The following LMAN1 variants were observed in gnomAD, a reference collection of about 807,000 sequenced individuals.
The protein encoded by LMAN1 is lectin, mannose binding 1, also known as protein ERGIC-53.
LMAN1 carries 32 observed loss-of-function variants against 67.8 expected under a neutral mutation model. The observed-to-expected ratio is 0.47, with a 90% CI of 0.36 to 0.63. LMAN1 has a LOEUF of 0.63. Ranked by LOEUF, LMAN1 falls within the 30% of genes least tolerant of loss-of-function variation. LMAN1 has a pLI of 0.00. For missense variants in LMAN1, 632 were observed against 628.2 expected (o/e 1.01, Z -0.06); for synonymous variants, 235 against 219.3 (o/e 1.07, Z -0.63).
In LMAN1 at chr18:59,333,200, T is replaced by G. The variant is rs1158500136; in HGVS notation, c.1265A>C (p.His422Pro). Residue 422 changes from histidine (H) to proline (P), a missense_variant, in exon 11 of 13, where the codon CAC (histidine) becomes CCC (proline). By Grantham distance (77) the His-to-Pro change is moderately conservative. Coordinates refer to ENST00000251047, the MANE Select transcript of LMAN1 (RefSeq NM_005570.4). ...ATAGACGCCTCCAGCAGAGCCAGGG[T>G]GCTGCATTCCACTGACCAGTCTGAC... ...ETVRLVSGMQ[H>P]PGSAGGVYET... 2 of 1,613,600 alleles carry G rather than the reference T, an allele frequency of 1.2e-6. No individual in the cohort carries two copies. Among genetic ancestry groups the G allele is most frequent in the Admixed American group, 3.3e-5 (2 of 59,960 alleles).
intron 8 of LMAN1, among the ~76,000 whole-genome samples, chr18:59,343,948 A>G (rs1473234941): frequency 6.6e-6 from 1 of 152,186 alleles, no homozygotes; most frequent in Non-Finnish European, 1.5e-5. Flanking sequence ...ACTCAAGAGA[A>G]AAACAAAAAG....
chr18:59,355,353 C>A lies in LMAN1; in HGVS notation c.437G>T (p.Gly146Val). 6.2e-7 allele frequency: 1 copy of A among 1,613,972 alleles called. No homozygotes were observed. Among genetic ancestry groups the A allele is most frequent in the Non-Finnish European group, 8.5e-7 (1 of 1,179,886 alleles). The change falls in exon 3 of 13, where the codon GGT (glycine) becomes GTT (valine). Residue 146 changes from glycine to valine, a missense_variant. By Grantham distance (109) the Gly-to-Val change is moderately radical. Transcript: ENST00000251047. ...AAAAGAATCAAAAAATATTCCAACA[C>A]CATTCCACAGATCAGCTGATCCAAA... Reference protein sequence around the residue: ...PVFGSADLWNGVGIFFDSFDN... With the variant: ...PVFGSADLWNVVGIFFDSFDN...
intron 1 of LMAN1, among the ~76,000 whole-genome samples, chr18:59,358,755 CA>C (rs2030614298): frequency 6.6e-6 from 1 of 152,054 alleles, no homozygotes; most frequent in Non-Finnish European, 1.5e-5. Context: ...CCTCTAGATC[CA>C]ACGGAAAGTA....
At chr18:59,345,508 T>TCCA (rs1333007662) in intron 8 of LMAN1, among the ~76,000 whole-genome samples, 1 of 152,208 alleles carries the variant, frequency 6.6e-6, no homozygotes, top group African/African-American at 2.4e-5. Context: ...TAATTATGTG[T>TCCA]CACTAAAACC....
At chr18:59,358,955 G>A (rs1339096446) in intron 1 of LMAN1, 76 bp downstream of exon 1, 4 of 1,445,774 alleles carry the variant, frequency 2.8e-6, no homozygotes, top group East Asian at 4.5e-5. Flanking sequence ...GCACACCAGG[G>A]TAGCCGCGGA....
intron 7 of LMAN1, 55 bp downstream of exon 7, chr18:59,347,458 T>C (rs1908442926): frequency 1.5e-6 from 2 of 1,301,498 alleles, no homozygotes; most frequent in African/African-American, 1.5e-5. Flanking sequence ...TCCAAAACGT[T>C]CAGCTAAAAG....
chr18:59,349,541 G>T (rs1908496118), intron 5 of LMAN1, among the ~76,000 whole-genome samples: 2 of 152,156 alleles, frequency 1.3e-5, no homozygotes, highest in African/African-American at 4.8e-5. Context: ...CCTTGGAATG[G>T]TTCATGCAGC....
chr18:59,334,779 T>C (rs1454664477), intron 10 of LMAN1, among the ~76,000 whole-genome samples: 1 of 152,138 alleles, frequency 6.6e-6, no homozygotes, highest in East Asian at 1.9e-4. Flanking sequence ...CTTAAGAATA[T>C]AAAAATCCAC....
intron 5 of LMAN1, among the ~76,000 whole-genome samples, chr18:59,352,109 A>G (rs1908555696): frequency 6.6e-6 from 1 of 152,230 alleles, no homozygotes; most frequent in Non-Finnish European, 1.5e-5. Flanking sequence ...TTTACAATGC[A>G]TAGTGATCTT....
intron 2 of LMAN1, 28 bp from the exon 3 acceptor site, chr18:59,355,448 G>A (rs1908639415): frequency 6.2e-7 from 1 of 1,613,888 alleles, no homozygotes; most frequent in Non-Finnish European, 8.5e-7. Flanking sequence ...GGAACAGTTA[G>A]AGGCTAGTGG....
intron 8 of LMAN1, among the ~76,000 whole-genome samples, chr18:59,340,762 C>G (rs1367651420): frequency 1.3e-5 from 2 of 152,104 alleles, no homozygotes; most frequent in African/African-American, 4.8e-5. Context: ...GGCAACATGA[C>G]AGAATTTCAT....
intron 10 of LMAN1, among the ~76,000 whole-genome samples, chr18:59,334,404 G>A (rs754167262): frequency 3.9e-5 from 6 of 152,152 alleles, no homozygotes; most frequent in Non-Finnish European, 5.9e-5. Flanking sequence ...GGAAAGCAAC[G>A]TGACAGAAGC....
chr18:59,355,597 T>G lies in LMAN1; in HGVS notation c.276A>C (p.Ser92=). ...AGGCCGCTTTTGTCTTTGTCCACAC[T>G]GAGCCTCTTTGGCTTTTTAAAGATG... ...VAPSLKSQRG[S]VWTKTKAAFE... The change falls in exon 2 of 13, where the codon TCA becomes TCC. Residue 92 remains serine (S), a synonymous_variant. Transcript: ENST00000251047. 1 of 1,614,172 alleles carries G rather than the reference T, an allele frequency of 6.2e-7. No homozygotes were observed. The highest frequency in any genetic ancestry group is 2.2e-5 in the East Asian group (1 of 44,880).
At chr18:59,351,289 C>CT (rs1470164698) in intron 5 of LMAN1, 17 of 152,150 alleles carry the variant, frequency 1.1e-4, no homozygotes, top group African/African-American at 4.1e-4. Flanking sequence ...AAAAAATACT[C>CT]TAAGAGTTTA....
chr18:59,355,257 C>A, intron 3 of LMAN1, 56 bp downstream of exon 3: 1 of 1,298,340 alleles, frequency 7.7e-7, no homozygotes, highest in Non-Finnish European at 1.1e-6. Context: ...TTTCTCACAG[C>A]CTAACTCTGT....
intron 12 of LMAN1, 73 bp from the exon 13 acceptor site, chr18:59,331,202 A>C (rs1455135541): frequency 4.6e-6 from 6 of 1,297,822 alleles, no homozygotes; most frequent in Non-Finnish European, 6.7e-6. Flanking sequence ...GGACTATTTA[A>C]AATTAAAATA....
chr18:59,350,790 C>T (rs35708465), intron 5 of LMAN1, among the ~76,000 whole-genome samples: 8,279 of 152,142 alleles, frequency 0.054, 301 homozygotes, highest in Middle Eastern at 0.12. Flanking sequence ...CCACCGCGCC[C>T]GGCCCCAATT....
rs1475386805 is a variant in LMAN1, at chr18:59,347,578, A to AC, written c.764-8_764-7insG. 1 of 1,588,496 alleles carries AC rather than the reference A, an allele frequency of 6.3e-7. No individual in the cohort carries two copies. The highest frequency in any genetic ancestry group is 8.6e-7 in the Non-Finnish European group (1 of 1,163,516). ...GAAAGGACATCATGGTCATCTACAAATTAAAAAAAAAAAAGTCTGAAAAAG... is the reference window on the plus strand; with the variant it reads ...GAAAGGACATCATGGTCATCTACAAACTTAAAAAAAAAAAAGTCTGAAAAAG... On this transcript the variant is annotated splice_polypyrimidine_tract_variant and splice_region_variant and intron_variant, in intron 6 of 12. Transcript: ENST00000251047.
chr18:59,333,650 G>A (rs1028948440), intron 10 of LMAN1: 17 of 180,562 alleles, frequency 9.4e-5, no homozygotes, highest in Non-Finnish European at 1.6e-4. Flanking sequence ...AGACTTGTCC[G>A]CTTTGTAGCT....
Sources: gnomAD v4.1 joint callset for allele counts (sites outside exome capture counted in the v4.1 genomes callset) on GRCh38, gnomAD v4.1.1 for gene constraint, MANE v1.5 for transcripts, NCBI Gene and HGNC (gene_info 2026-07-23, HGNC 2026-07-21) for gene names.